SHTN1: variants seen among roughly 807,000 people sequenced by gnomAD.
SHTN1 encodes shootin-1.
In SHTN1, 42 loss-of-function variants were observed where a neutral mutation model predicts 83.1. That is an observed-to-expected ratio of 0.51 (90% CI 0.39 to 0.65). The LOEUF (loss-of-function observed/expected upper bound fraction) is 0.65, where lower values mean the gene tolerates loss of function less well. Among genes scored for constraint, SHTN1 ranks in the 30% least tolerant of loss-of-function variants. SHTN1 has a pLI of 0.00. For synonymous variants in SHTN1, 224 were observed against 247.7 expected (o/e 0.90, Z 0.90); for missense variants, 622 against 737.8 (o/e 0.84, Z 1.82).
intron 11 of SHTN1, among the ~76,000 whole-genome samples, chr10:116,926,616 G>A (rs903978608): frequency 2.6e-5 from 4 of 151,946 alleles, no homozygotes; most frequent in Admixed American, 1.3e-4. Context: ...AACATGCTAC[G>A]CATTCTATTC....
intron 2 of SHTN1, among the ~76,000 whole-genome samples, chr10:117,025,004 A>G (rs747342965): frequency 2.0e-5 from 3 of 152,200 alleles, no homozygotes; most frequent in African/African-American, 4.8e-5. Flanking sequence ...TGGGACTCGG[A>G]TGGAGCAAGA....
intron 4 of SHTN1, 112 bp downstream of exon 4, chr10:116,960,024 A>G: frequency 1.6e-6 from 1 of 628,432 alleles, no homozygotes. Context: ...TCATCATCAG[A>G]GTAGATAATC....
intron 2 of SHTN1, chr10:116,974,195 CAG>C: frequency 1.0e-6 from 1 of 957,706 alleles, no homozygotes; most frequent in Non-Finnish European, 1.3e-6. Context: ...GTCATCAGAA[CAG>C]AGATCCTTGC....
rs775111356 is a variant in SHTN1 at position 116,906,783 on chromosome 10, T to A, written c.1360-36A>T. On this transcript the variant is annotated intron_variant, in intron 14 of 16. Coordinates refer to ENST00000355371, the MANE Select transcript of SHTN1 (RefSeq NM_001127211.3). ...AACAAAACAAAAACAAAAAGGTTAA[T>A]GTCTTAATACAATATACAAAAGAAT... The A allele has an allele frequency of 1.0e-5, 16 of 1,567,792 alleles. 1 individual carries two copies. The South Asian group carries it at 1.7e-4, about 17-fold the overall frequency.
intron 1 of SHTN1, among the ~76,000 whole-genome samples, chr10:117,126,027 T>C (rs1434041813): frequency 1.3e-5 from 2 of 152,138 alleles, no homozygotes; most frequent in East Asian, 1.9e-4. Flanking sequence ...TCAGCCCCCA[T>C]GCCGCTGCTT....
At chr10:117,049,016 A>G (rs1292692161) in intron 1 of SHTN1, among the ~76,000 whole-genome samples, 1 of 152,226 alleles carries the variant, frequency 6.6e-6, no homozygotes, top group East Asian at 1.9e-4. Context: ...ATTGGGGACC[A>G]TATCTATCAA....
intron 9 of SHTN1, among the ~76,000 whole-genome samples, chr10:116,937,952 T>A (rs760996803): frequency 2.0e-5 from 3 of 151,556 alleles, no homozygotes; most frequent in Non-Finnish European, 4.4e-5. Flanking sequence ...GCTTGATCGA[T>A]TCGGCTATTG....
chr10:117,000,467 T>G (rs757004070), intron 1 of SHTN1, among the ~76,000 whole-genome samples: 1 of 152,194 alleles, frequency 6.6e-6, no homozygotes, highest in Non-Finnish European at 1.5e-5. Flanking sequence ...GGTTTAAAAT[T>G]GCTTTAAAAC....
At chr10:116,976,287 T>C (rs1448634650) in intron 2 of SHTN1, among the ~76,000 whole-genome samples, 1 of 152,106 alleles carries the variant, frequency 6.6e-6, no homozygotes, top group Non-Finnish European at 1.5e-5. Context: ...GTCAGACCAC[T>C]TGTCTCAACG....
At chr10:117,091,350 G>A (rs1316798861) in intron 1 of SHTN1, among the ~76,000 whole-genome samples, 1 of 152,174 alleles carries the variant, frequency 6.6e-6, no homozygotes, top group African/African-American at 2.4e-5. Flanking sequence ...AGGAATCTGA[G>A]ACACAGGCTA....
At chr10:117,098,623 A>G (rs927603761) in intron 1 of SHTN1, among the ~76,000 whole-genome samples, 10 of 152,088 alleles carry the variant, frequency 6.6e-5, no homozygotes. Flanking sequence ...ACCACTGATC[A>G]CGCCAAAGTC....
chr10:117,043,354 CTTTAT>C (rs1026367299), intron 2 of SHTN1, among the ~76,000 whole-genome samples: 2 of 151,920 alleles, frequency 1.3e-5, no homozygotes, highest in African/African-American at 4.8e-5. Flanking sequence ...CAGGATGGAT[CTTTAT>C]TGTTTAATGG....
intron 4 of SHTN1, among the ~76,000 whole-genome samples, chr10:116,958,959 A>T (rs867249090): frequency 1.3e-5 from 2 of 152,228 alleles, no homozygotes; most frequent in Non-Finnish European, 2.9e-5. Context: ...ATGTGCTATG[A>T]CAACAGGAAT....
intron 4 of SHTN1, among the ~76,000 whole-genome samples, chr10:116,954,733 G>C (rs916406096): frequency 2.6e-5 from 4 of 152,256 alleles, no homozygotes; most frequent in Non-Finnish European, 5.9e-5. Context: ...ACCCAAGTGT[G>C]ACCAGTCAGA....
At chr10:116,997,867 T>C (rs954199562) in intron 1 of SHTN1, among the ~76,000 whole-genome samples, 5 of 151,898 alleles carry the variant, frequency 3.3e-5, no homozygotes, top group Admixed American at 6.6e-5. Flanking sequence ...CTGAGGCGGG[T>C]GGATCACGAG....
intron 11 of SHTN1, among the ~76,000 whole-genome samples, chr10:116,923,388 G>A (rs1205993634): frequency 6.6e-6 from 1 of 152,290 alleles, no homozygotes; most frequent in East Asian, 1.9e-4. Flanking sequence ...CATCATAAAT[G>A]TCCTCAGTGT....
At chr10:117,046,246 A>G (rs1478640455) in intron 2 of SHTN1, among the ~76,000 whole-genome samples, 1 of 152,120 alleles carries the variant, frequency 6.6e-6, no homozygotes, top group African/African-American at 2.4e-5. Flanking sequence ...CAAAGAAGCT[A>G]GGGTAAAAAA....
At chr10:117,086,577 C>T (rs1253932942) in intron 1 of SHTN1, among the ~76,000 whole-genome samples, 2 of 151,982 alleles carry the variant, frequency 1.3e-5, no homozygotes, top group Non-Finnish European at 1.5e-5. Flanking sequence ...TTATATAGTC[C>T]TACCTTCTCT....
At chr10:116,938,182 T>C (rs1849241655) in intron 9 of SHTN1, among the ~76,000 whole-genome samples, 1 of 152,084 alleles carries the variant, frequency 6.6e-6, no homozygotes, top group African/African-American at 2.4e-5. Flanking sequence ...GTCAAACTCA[T>C]TCTTTGTCCA....
Sources: gnomAD v4.1 joint callset for allele counts (sites outside exome capture counted in the v4.1 genomes callset) on GRCh38, gnomAD v4.1.1 for gene constraint, MANE v1.5 for transcripts, NCBI Gene and HGNC (gene_info 2026-07-23, HGNC 2026-07-21) for gene names.